AMPH: variants seen among roughly 807,000 people sequenced by gnomAD.
The protein encoded by AMPH is amphiphysin (Stiff-Mann syndrome with breast cancer 128kD autoantigen).
A neutral mutation model predicts 99.1 loss-of-function variants in AMPH; 49 were observed. The observed-to-expected ratio is 0.49, with a 90% CI of 0.39 to 0.63. AMPH has a LOEUF of 0.63. Among genes scored for constraint, AMPH ranks in the 20% least tolerant of loss-of-function variants. The pLI, the probability that AMPH is intolerant of heterozygous loss-of-function variation, is 0.00. For synonymous variants in AMPH, 314 were observed against 317.3 expected (o/e 0.99, Z 0.11); for missense variants, 759 against 863.4 (o/e 0.88, Z 1.52).
intron 10 of AMPH, 122 bp from the exon 11 acceptor site, chr7:38,461,533 TAGC>T (rs1458809584): frequency 2.6e-6 from 3 of 1,158,196 alleles, no homozygotes; most frequent in Non-Finnish European, 3.8e-6. Context: ...TATCTGCATA[TAGC>T]AGCAAGCCTA....
At chr7:38,447,516 A>G (rs1786834506) in intron 11 of AMPH, among the ~76,000 whole-genome samples, 1 of 152,160 alleles carries the variant, frequency 6.6e-6, no homozygotes, top group African/African-American at 2.4e-5. Flanking sequence ...AGATTTCAAT[A>G]TATAACTATA....
intron 18 of AMPH, among the ~76,000 whole-genome samples, 187 bp downstream of exon 18, chr7:38,393,818 C>A (rs1784587825): frequency 6.6e-6 from 1 of 152,176 alleles, no homozygotes; most frequent in South Asian, 2.1e-4. Context: ...TGCAACATTG[C>A]AATGCTGATA....
At chr7:38,578,598 A>G (rs1435042741) in intron 1 of AMPH, among the ~76,000 whole-genome samples, 1 of 152,026 alleles carries the variant, frequency 6.6e-6, no homozygotes, top group East Asian at 1.9e-4. Flanking sequence ...CCCCATCACT[A>G]TGATAACAAT....
At chr7:38,581,853 A>C (rs936171277) in intron 1 of AMPH, among the ~76,000 whole-genome samples, 2 of 152,138 alleles carry the variant, frequency 1.3e-5, no homozygotes, top group Non-Finnish European at 2.9e-5. Context: ...GCAACCTGAA[A>C]GATGGGATTT....
chr7:38,585,626 C>T (rs1792616349), intron 1 of AMPH, among the ~76,000 whole-genome samples: 1 of 152,224 alleles, frequency 6.6e-6, no homozygotes, highest in African/African-American at 2.4e-5. Context: ...ATTTTACACA[C>T]CACAGAGCCA....
chr7:38,392,377 CTTTTTTTTTTTTTT>C (rs574057389), intron 18 of AMPH, among the ~76,000 whole-genome samples: 2 of 42,030 alleles, frequency 4.8e-5, no homozygotes, highest in African/African-American at 2.2e-4. Context: ...CGGCCTGGTT[CTTTTTTTTTTTTTT>C]TTTTTTTTTT....
intron 1 of AMPH, among the ~76,000 whole-genome samples, chr7:38,618,516 A>C (rs528392863): frequency 1.3e-5 from 2 of 152,178 alleles, no homozygotes; most frequent in Non-Finnish European, 1.5e-5. Context: ...TGTCTCAAAA[A>C]AAAAGAGTTG....
chr7:38,547,704 C>T (rs182144480), intron 1 of AMPH, among the ~76,000 whole-genome samples: 57 of 152,222 alleles, frequency 3.7e-4, no homozygotes, highest in Admixed American at 2.7e-3. Context: ...TGGTTCTATA[C>T]ATTTTAGGGA....
intron 11 of AMPH, among the ~76,000 whole-genome samples, chr7:38,455,834 C>G (rs78821773): frequency 0.098 from 14,889 of 152,284 alleles, 987 homozygotes; most frequent in Middle Eastern, 0.2. Flanking sequence ...CCCAAAAGGA[C>G]TGCATTCTGC....
rs777629741 is a variant in AMPH, at chr7:38,494,539, G to C, written c.206-12C>G. On this transcript the variant is annotated splice_polypyrimidine_tract_variant and intron_variant, in intron 3 of 20. Transcript: ENST00000356264. ...GGCCTCCTGCATGCCTAGTGTTGGA[G>C]AGAAACAACTCCCGTTACACAGAAA... is the stretch of plus-strand genomic sequence containing the variant. 1.5e-5 allele frequency: 24 copies of C among 1,609,724 alleles called. No homozygotes were observed. The highest frequency in any genetic ancestry group is 8.8e-5 in the South Asian group (8 of 90,984).
chr7:38,477,055 G>T (rs17171383), intron 5 of AMPH, 86 bp from the exon 6 acceptor site: 97,770 of 1,129,616 alleles, frequency 0.087, 8,176 homozygotes, highest in African/African-American at 0.37. Context: ...TGCTTTCCTT[G>T]GCCAGAGCTG....
In AMPH at chr7:38,571,257, A is replaced by ATATATATGTTTATATAT. The variant is rs1562835081; in HGVS notation, c.70-36247_70-36246insATATATAAACATATATA. 4.3e-3 allele frequency among the ~76,000 whole-genome samples: 267 copies of ATATATATGTTTATATAT among 61,626 alleles called. 1 individual carries two copies. Among genetic ancestry groups the ATATATATGTTTATATAT allele is most frequent in the Non-Finnish European group, 6.6e-3 (236 of 35,592 alleles). 40.4% of individuals were successfully genotyped at this position (61,626 alleles called of 152,430 possible). Reference sequence around the variant, plus strand: ...ATATATATAATTATAAATATATATTAAATATATATTTATATATATATTTTT... The same window carrying ATATATATGTTTATATAT: ...ATATATATAATTATAAATATATATTATATATATGTTTATATATAATATATATTTATATATATATTTTT... On this transcript the variant is annotated intron_variant, in intron 1 of 20. Transcript: ENST00000356264.
chr7:38,512,539 C>T (rs1455378452), intron 2 of AMPH, among the ~76,000 whole-genome samples: 1 of 152,202 alleles, frequency 6.6e-6, no homozygotes, highest in Non-Finnish European at 1.5e-5. Context: ...GGACTCTAAA[C>T]CCTCCCTAGT....
At chr7:38,523,836 T>C (rs1024166584) in intron 2 of AMPH, among the ~76,000 whole-genome samples, 4 of 152,140 alleles carry the variant, frequency 2.6e-5, no homozygotes, top group Non-Finnish European at 4.4e-5. Context: ...TGGATAAAAC[T>C]AGTAGGTGAC....
intron 17 of AMPH, among the ~76,000 whole-genome samples, chr7:38,405,351 C>A (rs1480700271): frequency 2.0e-5 from 3 of 152,124 alleles, no homozygotes; most frequent in Non-Finnish European, 4.4e-5. Context: ...CAAAACCTCA[C>A]ATGTCAATAT....
At chr7:38,403,291 G>A (rs763410370) in intron 17 of AMPH, among the ~76,000 whole-genome samples, 3 of 152,180 alleles carry the variant, frequency 2.0e-5, no homozygotes, top group Non-Finnish European at 4.4e-5. Context: ...GTAGGTGGGG[G>A]TGCTTCTCTA....
intron 3 of AMPH, among the ~76,000 whole-genome samples, chr7:38,498,055 A>G (rs917520786): frequency 2.0e-5 from 3 of 152,140 alleles, no homozygotes; most frequent in Non-Finnish European, 2.9e-5. Flanking sequence ...TAATACCTCA[A>G]ACTTCACATG....
chr7:38,590,725 T>A (rs1184557895), intron 1 of AMPH, among the ~76,000 whole-genome samples: 2 of 152,186 alleles, frequency 1.3e-5, no homozygotes, highest in South Asian at 2.1e-4. Context: ...TGCGGTCACC[T>A]TCCCCAGCTA....
Position 38,436,486 on chromosome 7 carries a change from T to C in AMPH, c.1018-98A>G, listed in dbSNP as rs941674806. ...TGTATACTCTCTCTAATATTATTAT[T>C]GAGTATCTCCAAAACACACTTTTAT... On this transcript the variant is annotated intron_variant, in intron 11 of 20. Coordinates refer to ENST00000356264, the MANE Select transcript of AMPH (RefSeq NM_001635.4). The C allele has an allele frequency of 7.9e-6, 7 of 884,234 alleles. No individual in the cohort carries two copies. In the African/African-American group the frequency reaches 1.2e-4, roughly 15 times the overall value. 54.8% of individuals were successfully genotyped at this position (884,234 alleles called of 1,614,324 possible). A position where few individuals can be genotyped will look rare whatever the true frequency, so the allele number is the denominator to read the frequency against.
Sources: gnomAD v4.1 joint callset for allele counts (sites outside exome capture counted in the v4.1 genomes callset) on GRCh38, gnomAD v4.1.1 for gene constraint, MANE v1.5 for transcripts, NCBI Gene and HGNC (gene_info 2026-07-23, HGNC 2026-07-21) for gene names.